DIS3L: variants seen among roughly 807,000 people sequenced by gnomAD.
DIS3L encodes the protein DIS3-like exonuclease 1.
A neutral mutation model predicts 120.3 loss-of-function variants in DIS3L; 100 were observed. That is an observed-to-expected ratio of 0.83 (90% CI 0.71 to 0.98). The LOEUF is 0.98. Among genes scored for constraint, DIS3L ranks in the 50% least tolerant of loss-of-function variants. DIS3L has a pLI of 0.00. For missense variants in DIS3L, 1,196 were observed against 1,314.2 expected (o/e 0.91, Z 1.39); for synonymous variants, 426 against 470.6 (o/e 0.91, Z 1.23).
Position 66,329,258 on chromosome 15 carries a change from A to G in DIS3L, c.2394A>G (p.Pro798=), listed in dbSNP as rs1357899106. The G allele has an allele frequency of 3.1e-6, 5 of 1,610,474 alleles. No homozygotes were observed. The Admixed American group carries it at 8.4e-5, about 27-fold the overall frequency. The change falls in exon 14 of 17, where the codon CCA becomes CCG. Residue 798 remains proline (P), a synonymous_variant. Coordinates refer to ENST00000319212, the MANE Select transcript of DIS3L (RefSeq NM_001143688.3). ...ATAAATATACCCACTTTACTTCTCCAATAAGAAGATATTCAGATATTGTAG... is the reference window on the plus strand; with the variant it reads ...ATAAATATACCCACTTTACTTCTCCGATAAGAAGATATTCAGATATTGTAG... ...ALDKYTHFTS[P]IRRYSDIVVH...
In DIS3L at chr15:66,326,357, GAT is replaced by G; in HGVS notation, c.2196_2197del (p.Arg734ValfsTer3). On this transcript the variant is annotated frameshift_variant, in exon 12 of 17. Transcript: ENST00000319212. LOFTEE classifies it high-confidence loss of function. ...TGCTAAAGCCAAAGGCTTCTTCATA[GAT>G]ACACGGTATTCCTCTTTTGAGGGGG... ...ECAKAKGFFIDTRSNKTLADS... is the reference protein window; with the variant it reads ...ECAKAKGFFIXTRSNKTLADS... 1 of 1,613,694 alleles carries G rather than the reference GAT, an allele frequency of 6.2e-7. No individual in the cohort carries two copies.
rs2092768660 is a variant in DIS3L, at chr15:66,312,076, GTGCA to G, written c.735+177_735+180del. On this transcript the variant is annotated intron_variant, in intron 5 of 16. Transcript: ENST00000319212. ...TTAAAAATTAGCCAGGCGTGGTAGT[GTGCA>G]CCTGTACTCCCAGATTACTTGGGAG... Among the ~76,000 whole-genome samples, 3 of 152,086 alleles carry G rather than the reference GTGCA, an allele frequency of 2.0e-5. No homozygotes were observed. The South Asian group carries it at 6.2e-4, about 32-fold the overall frequency.
Position 66,331,975 on chromosome 15 carries a change from T to C in DIS3L, c.2636T>C (p.Val879Ala). The stretch of plus-strand genomic sequence containing the variant: ...GAGGAGCGTTGCATATCTGACGGAG[T>C]TATTTATTCAATTAGAACAAATGGT... ...ATEERCISDG[V>A]IYSIRTNGVL... The change falls in exon 15 of 17, where the codon GTT (valine) becomes GCT (alanine). Residue 879 changes from valine (V) to alanine (A), a missense_variant. By Grantham distance (64) the Val-to-Ala change is moderately conservative (BLOSUM62 0). Coordinates refer to ENST00000319212, the MANE Select transcript of DIS3L (RefSeq NM_001143688.3). 6.2e-7 allele frequency: 1 copy of C among 1,612,526 alleles called. No individual in the cohort carries two copies. Among genetic ancestry groups the C allele is most frequent in the Non-Finnish European group, 8.5e-7 (1 of 1,179,460 alleles).
Position 66,320,622 on chromosome 15 carries a change from C to T in DIS3L, c.1216C>T (p.Pro406Ser), listed in dbSNP as rs779845613. 3.7e-6 allele frequency: 6 copies of T among 1,613,880 alleles called. No individual in the cohort carries two copies. The highest frequency in any genetic ancestry group is 5.1e-6 in the Non-Finnish European group (6 of 1,179,992). ...IDSWESTSVY[P>S]NGHFVRVLGR... is the part of the protein sequence containing the mutation. ...TTCCTGGGAGTCAACATCTGTGTAT[C>T]CAAATGGACATTTTGTGCGTGTTTT... Residue 406 changes from proline to serine, a missense_variant, in exon 9 of 17, where the codon CCA (proline) becomes TCA (serine). By Grantham distance (74) the Pro-to-Ser change is moderately conservative. Coordinates refer to ENST00000319212, the MANE Select transcript of DIS3L (RefSeq NM_001143688.3).
chr15:66,329,926 GAT>G (rs1446906796), intron 14 of DIS3L: 14 of 981,314 alleles, frequency 1.4e-5, no homozygotes, highest in Non-Finnish European at 1.6e-5. Flanking sequence ...AAAAAAAAAA[GAT>G]ATGAAGACAG....
In DIS3L at chr15:66,326,013, G is replaced by A. The variant is rs749003146; in HGVS notation, c.1850G>A (p.Ser617Asn). The A allele has an allele frequency of 1.2e-6, 2 of 1,614,054 alleles. No individual in the cohort carries two copies. Among genetic ancestry groups the A allele is most frequent in the African/African-American group, 2.7e-5 (2 of 74,924 alleles). The change falls in exon 12 of 17, where the codon AGC (serine) becomes AAC (asparagine). Residue 617 changes from serine to asparagine, a missense_variant. Physicochemically the swap from Ser to Asn is conservative, Grantham distance 46. Coordinates refer to ENST00000319212, the MANE Select transcript of DIS3L (RefSeq NM_001143688.3). ...IPEFKDLDEK[S>N]RQAKLEELVW... ...GAATTCAAAGACTTGGATGAGAAGAGCAGACAAGCCAAGCTGGAGGAGTTG... is the reference window on the plus strand; with the variant it reads ...GAATTCAAAGACTTGGATGAGAAGAACAGACAAGCCAAGCTGGAGGAGTTG...
intron 11 of DIS3L, among the ~76,000 whole-genome samples, chr15:66,324,662 A>G (rs2092918225): frequency 6.6e-6 from 1 of 152,214 alleles, no homozygotes; most frequent in South Asian, 2.1e-4. Flanking sequence ...AGCCTTGCCA[A>G]CACAATATGT....
chr15:66,329,340 A>C lies in DIS3L; in HGVS notation c.2476A>C (p.Asn826His). ...SKDKKMEIKG[N>H]LFSNKDLEEL... ...AGATAAGAAAATGGAAATTAAGGGA[A>C]ATCTGTTCAGCAACAAAGATCTTGA... Residue 826 changes from asparagine to histidine, a missense_variant, in exon 14 of 17, where the codon AAT becomes CAT. Physicochemically the swap from Asn to His is moderately conservative, Grantham distance 68. Coordinates refer to ENST00000319212, the MANE Select transcript of DIS3L (RefSeq NM_001143688.3). 6.2e-7 allele frequency: 1 copy of C among 1,614,068 alleles called. No homozygotes were observed. The highest frequency in any genetic ancestry group is 1.3e-5 in the African/African-American group (1 of 75,050).
intron 11 of DIS3L, among the ~76,000 whole-genome samples, chr15:66,323,949 TTTTG>T (rs1406515636): frequency 5.9e-5 from 9 of 152,162 alleles, no homozygotes; most frequent in Non-Finnish European, 1.3e-4. Flanking sequence ...TCGGGGAGTT[TTTTG>T]TTTGTTCATT....
Position 66,329,037 on chromosome 15 carries a change from C to T in DIS3L, c.2269C>T (p.Leu757=), listed in dbSNP as rs374182292. ...NDPHDPIVNR[L]LRSMATQAMS... ...CCCCCACGATCCCATTGTGAACAGG[C>T]TACTGCGCTCCATGGCCACGCAGGC... Residue 757 remains leucine, a synonymous_variant, in exon 13 of 17, where the codon CTA becomes TTA. Transcript: ENST00000319212. The T allele has an allele frequency of 1.4e-5, 22 of 1,614,246 alleles. No individual in the cohort carries two copies. Among genetic ancestry groups the T allele is most frequent in the Admixed American group, 5.0e-5 (3 of 60,024 alleles).
At chr15:66,320,534 G>C in intron 8 of DIS3L, 37 bp from the exon 9 acceptor site, 1 of 1,583,228 alleles carries the variant, frequency 6.3e-7, no homozygotes, top group East Asian at 2.3e-5. Flanking sequence ...CTTAACTCCT[G>C]GTGCTCAGCT....
At chr15:66,320,156 A>G (rs1595748506) in intron 8 of DIS3L, among the ~76,000 whole-genome samples, 1 of 152,108 alleles carries the variant, frequency 6.6e-6, no homozygotes, top group East Asian at 1.9e-4. Flanking sequence ...ATAGACTTCA[A>G]AGAAATTAGG....
intron 2 of DIS3L, among the ~76,000 whole-genome samples, chr15:66,304,989 A>G (rs2140336593): frequency 6.6e-6 from 1 of 150,606 alleles, no homozygotes; most frequent in South Asian, 2.1e-4. Flanking sequence ...AAGAAAATAA[A>G]ATCGATTTCT....
intron 7 of DIS3L, among the ~76,000 whole-genome samples, chr15:66,317,640 T>G (rs2092833306): frequency 6.6e-6 from 1 of 152,072 alleles, no homozygotes. Flanking sequence ...ATTCTAAATG[T>G]TATCTCAGGA....
At chr15:66,327,166 G>A (rs1017460188) in intron 12 of DIS3L, among the ~76,000 whole-genome samples, 1 of 151,888 alleles carries the variant, frequency 6.6e-6, no homozygotes, top group African/African-American at 2.4e-5. Context: ...CTGACCTCAT[G>A]ATTCGCCCGT....
chr15:66,323,957 G>A (rs12442264), intron 11 of DIS3L, among the ~76,000 whole-genome samples: 14,709 of 152,110 alleles, frequency 0.097, 911 homozygotes, highest in East Asian at 0.34. Context: ...TTTTTTGTTT[G>A]TTCATTTGTT....
In DIS3L at chr15:66,314,414, A is replaced by T. The variant is rs756614576; in HGVS notation, c.814+297A>T. 3.9e-5 allele frequency among the ~76,000 whole-genome samples: 6 copies of T among 152,140 alleles called. 1 individual carries two copies. Among genetic ancestry groups the T allele is most frequent in the Non-Finnish European group, 5.9e-5 (4 of 68,010 alleles). On this transcript the variant is annotated intron_variant, in intron 6 of 16. Transcript: ENST00000319212. ...CCAAGGCAGTTTGGCTGTGATTTTA[A>T]CATATTAGTCTGTGCTGCCTCAATG...
At chr15:66,304,103 AAAAAAAAAAC>A (rs2092677994) in intron 2 of DIS3L, among the ~76,000 whole-genome samples, 1 of 140,208 alleles carries the variant, frequency 7.1e-6, no homozygotes. Flanking sequence ...AAAAAAAAAA[AAAAAAAAAAC>A]AATATGGCAT....
chr15:66,321,370 AT>A (rs1402580906), intron 9 of DIS3L, among the ~76,000 whole-genome samples: 1 of 152,096 alleles, frequency 6.6e-6, no homozygotes, highest in African/African-American at 2.4e-5. Flanking sequence ...TAGCCTACTT[AT>A]TTTAATGGTT....
Sources: allele counts gnomAD v4.1 joint callset (sites outside exome capture counted in the v4.1 genomes callset), GRCh38; gene constraint gnomAD v4.1.1; transcripts MANE v1.5; gene names NCBI Gene and HGNC (gene_info 2026-07-23, HGNC 2026-07-21).